Variants in CCDC12 observed in about 807,000 individuals in gnomAD.
CCDC12 encodes coiled-coil domain-containing protein 12.
Under a neutral mutation model 25.7 loss-of-function variants are expected in CCDC12, and 28 were observed. The observed-to-expected ratio is 1.09, with a 90% CI of 0.81 to 1.50. CCDC12 has a LOEUF of 1.50. CCDC12 is among the 40% of genes most tolerant of loss of function. CCDC12 has a pLI of 0.00. For synonymous variants in CCDC12, 75 were observed against 87.7 expected (o/e 0.86, Z 0.81); for missense variants, 198 against 210.0 (o/e 0.94, Z 0.35).
intron 2 of CCDC12, among the ~76,000 whole-genome samples, chr3:46,936,243 TC>T (rs2033436790): frequency 1.3e-5 from 2 of 152,226 alleles, no homozygotes; most frequent in Admixed American, 6.5e-5. Flanking sequence ...ACAAAGTGGT[TC>T]CTAATCACAA....
intron 1 of CCDC12, among the ~76,000 whole-genome samples, chr3:46,968,509 T>C (rs1271293964): frequency 6.6e-6 from 1 of 152,194 alleles, no homozygotes; most frequent in Non-Finnish European, 1.5e-5. Flanking sequence ...AGACAGCATC[T>C]TTCTCTGTTC....
chr3:46,957,960 T>TACACACAC (rs367926661), intron 1 of CCDC12, among the ~76,000 whole-genome samples: 5,072 of 64,688 alleles, frequency 0.078, 157 homozygotes, highest in Middle Eastern at 0.11. Context: ...AAAAAATAAA[T>TACACACAC]ACACACACAC....
At position 46,928,240 on chromosome 3, in the gene CCDC12, C is replaced by CA. The variant is rs558315290; in HGVS notation, c.165-2706dup. On this transcript the variant is annotated intron_variant, in intron 2 of 6. Coordinates refer to ENST00000683445, the MANE Select transcript of CCDC12 (RefSeq NM_001277074.2). Reference sequence around the variant, plus strand: ...CTCCAGCCTAGGCTGCAGACTGTCTCAAAAAAAAAAAATGTATATATATGT... The same window carrying CA: ...CTCCAGCCTAGGCTGCAGACTGTCTCAAAAAAAAAAAAATGTATATATATGT... Among the ~76,000 whole-genome samples the CA allele has an allele frequency of 7.4e-3, 1,033 of 139,258 alleles. 10 individuals are homozygous for CA. The highest frequency in any genetic ancestry group is 0.019 in the African/African-American group (712 of 37,910). The allele number at this position is 139,258 out of a possible 152,430, so 91.4% of individuals were successfully genotyped here.
chr3:46,977,613 AC>A (rs1413055822), upstream of CCDC12, among the ~76,000 whole-genome samples: 1 of 151,294 alleles, frequency 6.6e-6, no homozygotes, highest in African/African-American at 2.4e-5. Flanking sequence ...CTCTGTGACC[AC>A]TCTCAGCTCA....
At chr3:46,975,457 C>A (rs995209313) in intron 1 of CCDC12, among the ~76,000 whole-genome samples, 13 of 151,908 alleles carry the variant, frequency 8.6e-5, no homozygotes, top group Admixed American at 2.0e-4. Flanking sequence ...GGATTACAGG[C>A]ACCAGCCATT....
At chr3:46,967,740 G>A (rs1298225013) in intron 1 of CCDC12, among the ~76,000 whole-genome samples, 1 of 152,162 alleles carries the variant, frequency 6.6e-6, no homozygotes, top group East Asian at 1.9e-4. Flanking sequence ...CATACAGCTG[G>A]TACTCAATAA....
rs145507739 is a variant in CCDC12 at position 46,930,031 on chromosome 3, CAAAAAAAAA to C, written c.165-4505_165-4497del. Among the ~76,000 whole-genome samples, 236 of 39,904 alleles carry C rather than the reference CAAAAAAAAA, an allele frequency of 5.9e-3. 3 individuals are homozygous for C. The Admixed American group carries it at 0.067, about 11-fold the overall frequency. 26.2% of individuals were successfully genotyped at this position (39,904 alleles called of 152,430 possible). Reference sequence around the variant, plus strand: ...GGGCGAGAACAGCAAGACCCCATCTCAAAAAAAAAAAAAAAAAAAAAAAAAAGAGATGGG... The same window carrying C: ...GGGCGAGAACAGCAAGACCCCATCTCAAAAAAAAAAAAAAAAAGAGATGGG... On this transcript the variant is annotated intron_variant, in intron 2 of 6. Transcript: ENST00000683445.
At chr3:46,951,824 C>CATATATAT (rs2034139931) in intron 1 of CCDC12, among the ~76,000 whole-genome samples, 2 of 41,628 alleles carry the variant, frequency 4.8e-5, no homozygotes, top group Non-Finnish European at 8.6e-5. Context: ...TATATATATA[C>CATATATAT]TTAATGAGGA....
intron 1 of CCDC12, among the ~76,000 whole-genome samples, chr3:46,955,407 C>G (rs1469374909): frequency 3.3e-5 from 5 of 152,114 alleles, no homozygotes; most frequent in Non-Finnish European, 7.3e-5. Context: ...CAGATAACCA[C>G]CCTATAGTGC....
chr3:46,940,756 G>C, intron 2 of CCDC12: 3 of 557,498 alleles, frequency 5.4e-6, no homozygotes, highest in Non-Finnish European at 6.4e-6. Context: ...GTAAGGGCTA[G>C]AAAGAAAATG....
chr3:46,940,827 A>G (rs2033671042), intron 2 of CCDC12, 171 bp downstream of exon 2: 1 of 653,186 alleles, frequency 1.5e-6, no homozygotes, highest in African/African-American at 1.8e-5. Flanking sequence ...AGGCCTCGAC[A>G]AGGGCCTTCT....
intron 1 of CCDC12, among the ~76,000 whole-genome samples, chr3:46,974,724 T>C (rs1022581873): frequency 3.9e-5 from 6 of 152,216 alleles, no homozygotes; most frequent in Non-Finnish European, 8.8e-5. Context: ...GTTTTTTCAG[T>C]TGGAAAGTGG....
intron 2 of CCDC12, 71 bp from the exon 3 acceptor site, chr3:46,925,606 A>T: frequency 8.0e-7 from 1 of 1,250,940 alleles, no homozygotes; most frequent in Admixed American, 2.6e-5. Flanking sequence ...CATTCATACA[A>T]TTTGCATAGC....
intron 5 of CCDC12, 78 bp from the exon 6 acceptor site, chr3:46,922,390 C>T: frequency 6.6e-7 from 1 of 1,508,250 alleles, no homozygotes; most frequent in East Asian, 2.3e-5. Context: ...CCTCTTGCAG[C>T]CCTCTGGCAT....
chr3:46,926,737 T>C (rs7635480), intron 2 of CCDC12, among the ~76,000 whole-genome samples: 80,603 of 151,998 alleles, frequency 0.53, 23,194 homozygotes, highest in Non-Finnish European at 0.64. Flanking sequence ...CCTCAGATGC[T>C]GGCCAGGTGA....
chr3:46,976,168 C>T (rs991700633), intron 1 of CCDC12: 1 of 328,228 alleles, frequency 3.0e-6, no homozygotes, highest in Non-Finnish European at 4.4e-6. Flanking sequence ...TTGCACGAAA[C>T]GACTCCGGCT....
At chr3:46,926,451 G>A (rs1349212776) in intron 2 of CCDC12, among the ~76,000 whole-genome samples, 2 of 152,216 alleles carry the variant, frequency 1.3e-5, no homozygotes, top group Non-Finnish European at 2.9e-5. Context: ...AGAATCTCCC[G>A]GCAGGAGCTG....
chr3:46,976,545 T>G (rs1039200876), intron 1 of CCDC12, 92 bp downstream of exon 1: 12 of 1,491,602 alleles, frequency 8.0e-6, no homozygotes, highest in South Asian at 2.6e-5. Flanking sequence ...TCGGCAGCTG[T>G]CTTTCCTTAT....
intron 1 of CCDC12, among the ~76,000 whole-genome samples, chr3:46,955,310 T>G (rs2034253544): frequency 6.6e-6 from 1 of 152,174 alleles, no homozygotes; most frequent in Admixed American, 6.5e-5. Flanking sequence ...CTCTGAGTCT[T>G]GTCATGGGGC....
Sources: gnomAD v4.1 joint callset for allele counts (sites outside exome capture counted in the v4.1 genomes callset) on GRCh38, gnomAD v4.1.1 for gene constraint, MANE v1.5 for transcripts, NCBI Gene and HGNC (gene_info 2026-07-23, HGNC 2026-07-21) for gene names.